The following ERC2 variants were observed in gnomAD, a reference collection of about 807,000 sequenced individuals.
The protein encoded by ERC2 is ERC protein 2.
ERC2 carries 42 observed loss-of-function variants against 114.8 expected under a neutral mutation model. The ratio of observed to expected loss-of-function variants is 0.37; its 90% CI spans 0.29 to 0.47. The LOEUF is 0.47. Among genes scored for constraint, ERC2 ranks in the 20% least tolerant of loss-of-function variants. The pLI, the probability that ERC2 is intolerant of heterozygous loss-of-function variation, is 0.99. For synonymous variants in ERC2, 454 were observed against 425.5 expected, an observed-to-expected ratio of 1.07 and a Z score of -0.82; for missense variants, 939 against 1,150.7, an observed-to-expected ratio of 0.82 and a Z score of 2.66.
intron 3 of ERC2, 69 bp from the exon 4 acceptor site, chr3:56,173,589 G>A: frequency 1.4e-6 from 2 of 1,443,018 alleles, no homozygotes; most frequent in East Asian, 2.3e-5. Flanking sequence ...CTTTACACAG[G>A]TACTACACAG....
At chr3:56,365,474 C>T (rs1401743440) in intron 2 of ERC2, among the ~76,000 whole-genome samples, 1 of 152,228 alleles carries the variant, frequency 6.6e-6, no homozygotes, top group African/African-American at 2.4e-5. Context: ...CAGCTAACAA[C>T]ACGTTTCTCA....
At chr3:55,847,565 C>T (rs774661157) in intron 14 of ERC2, among the ~76,000 whole-genome samples, 13 of 152,098 alleles carry the variant, frequency 8.5e-5, no homozygotes, top group Non-Finnish European at 1.5e-4. Context: ...TCATCACCAG[C>T]ATTGAAACTA....
At chr3:55,884,369 A>C (rs748347251) in intron 14 of ERC2, among the ~76,000 whole-genome samples, 4 of 152,228 alleles carry the variant, frequency 2.6e-5, no homozygotes, top group Non-Finnish European at 5.9e-5. Flanking sequence ...AGCATTTGCA[A>C]AGATATACAC....
chr3:56,349,253 G>A (rs563743795), intron 2 of ERC2, among the ~76,000 whole-genome samples: 4 of 152,230 alleles, frequency 2.6e-5, no homozygotes, highest in East Asian at 3.9e-4. Context: ...GGCTTGATCC[G>A]GTGATAAATT....
chr3:56,209,564 G>A (rs1002463713), intron 3 of ERC2, among the ~76,000 whole-genome samples: 11 of 152,132 alleles, frequency 7.2e-5, no homozygotes, highest in Non-Finnish European at 1.0e-4. Flanking sequence ...CAGTGCTAAG[G>A]AAATATTCAC....
At chr3:56,215,600 C>A (rs1206192614) in intron 3 of ERC2, among the ~76,000 whole-genome samples, 1 of 152,132 alleles carries the variant, frequency 6.6e-6, no homozygotes, top group Non-Finnish European at 1.5e-5. Flanking sequence ...AGAAAGTTAA[C>A]AAGGATATCC....
chr3:56,159,754 A>C (rs147073584), intron 4 of ERC2, among the ~76,000 whole-genome samples: 255 of 152,266 alleles, frequency 1.7e-3, no homozygotes, highest in African/African-American at 5.9e-3. Flanking sequence ...GAGAACGTGC[A>C]GTATTTGGTT....
Position 55,963,282 on chromosome 3 carries a change from T to G in ERC2, c.2268-12722A>C, listed in dbSNP as rs189212893. The stretch of plus-strand genomic sequence containing the variant: ...GGATATAGCCCCAAAAGCAGAAATT[T>G]GTATTGTATTTCACATCCTGGAACC... On this transcript the variant is annotated intron_variant, in intron 12 of 17. Transcript: ENST00000288221. Among the ~76,000 whole-genome samples, 337 of 152,362 alleles carry G rather than the reference T, an allele frequency of 2.2e-3. 5 individuals carry two copies. The highest frequency in any genetic ancestry group is 5.4e-3 in the South Asian group (26 of 4,822).
At chr3:56,092,438 T>C (rs1334448713) in intron 6 of ERC2, among the ~76,000 whole-genome samples, 2 of 152,182 alleles carry the variant, frequency 1.3e-5, no homozygotes, top group Admixed American at 1.3e-4. Flanking sequence ...TTTAAGTGAC[T>C]AGTCCAAAGT....
At chr3:55,810,740 G>A (rs1005253513) in intron 14 of ERC2, among the ~76,000 whole-genome samples, 7 of 152,150 alleles carry the variant, frequency 4.6e-5, no homozygotes, top group Non-Finnish European at 1.0e-4. Flanking sequence ...GATTACAGGC[G>A]TGAGCCACCA....
At chr3:55,813,906 T>G (rs371347804) in intron 14 of ERC2, among the ~76,000 whole-genome samples, 6 of 152,278 alleles carry the variant, frequency 3.9e-5, no homozygotes, top group African/African-American at 1.4e-4. Context: ...CAGCACACAC[T>G]TTTCAACTTC....
At chr3:55,817,454 C>T (rs1329441625) in intron 14 of ERC2, among the ~76,000 whole-genome samples, 3 of 152,174 alleles carry the variant, frequency 2.0e-5, no homozygotes, top group African/African-American at 7.2e-5. Context: ...AAGGGATGGG[C>T]GGCCTTCAGC....
At chr3:55,970,419 T>C (rs1432462499) in intron 12 of ERC2, among the ~76,000 whole-genome samples, 1 of 151,830 alleles carries the variant, frequency 6.6e-6, no homozygotes, top group Non-Finnish European at 1.5e-5. Flanking sequence ...ATTACTAATA[T>C]ACAAGAAAAA....
chr3:56,242,216 A>G (rs559230256), intron 3 of ERC2, among the ~76,000 whole-genome samples: 1 of 152,312 alleles, frequency 6.6e-6, no homozygotes, highest in African/African-American at 2.4e-5. Context: ...TAACTCAGGA[A>G]TGGAAAACCA....
In ERC2 at chr3:56,070,195, C is replaced by T. The variant is rs112999611; in HGVS notation, c.1641+10622G>A. ...AAAAGATAAGTAAAAAAAGACAGAA[C>T]ATTTTCCTTCCCACATAAATAAGGT... On this transcript the variant is annotated intron_variant, in intron 7 of 17. Transcript: ENST00000288221. Among the ~76,000 whole-genome samples the T allele has an allele frequency of 8.2e-3, 1,255 of 152,284 alleles. 16 individuals carry two copies. The highest frequency in any genetic ancestry group is 0.028 in the African/African-American group (1,184 of 41,556).
chr3:56,034,680 A>C (rs933342311), intron 7 of ERC2, among the ~76,000 whole-genome samples: 1 of 152,170 alleles, frequency 6.6e-6, no homozygotes, highest in Non-Finnish European at 1.5e-5. Context: ...AATGGAGGAA[A>C]ACTGGAAAAT....
intron 17 of ERC2, among the ~76,000 whole-genome samples, chr3:55,520,875 A>T (rs1210208795): frequency 6.6e-6 from 1 of 152,240 alleles, no homozygotes; most frequent in African/African-American, 2.4e-5. Context: ...AAGTCACAGG[A>T]AGACATCTCC....
chr3:55,768,880 T>C (rs576706558), intron 14 of ERC2, among the ~76,000 whole-genome samples: 1 of 152,166 alleles, frequency 6.6e-6, no homozygotes, highest in Non-Finnish European at 1.5e-5. Flanking sequence ...GAGCATGCAA[T>C]AGAGGGAACA....
chr3:55,706,128 A>G (rs1478068399), intron 15 of ERC2, among the ~76,000 whole-genome samples: 2 of 152,136 alleles, frequency 1.3e-5, no homozygotes, highest in Non-Finnish European at 2.9e-5. Flanking sequence ...AGGAGATGGT[A>G]CATAAATAGC....
Sources: allele counts gnomAD v4.1 joint callset (sites outside exome capture counted in the v4.1 genomes callset), GRCh38; gene constraint gnomAD v4.1.1; transcripts MANE v1.5; gene names NCBI Gene and HGNC (gene_info 2026-07-23, HGNC 2026-07-21).